The following ASTN2 variants were observed in gnomAD, a reference collection of about 807,000 sequenced individuals.
ASTN2 encodes the protein astrotactin-2.
In ASTN2, 54 loss-of-function variants were observed where a neutral mutation model predicts 139.8. The ratio of observed to expected loss-of-function variants is 0.39; its 90% CI spans 0.31 to 0.48. The LOEUF is 0.48. ASTN2 is among the 20% of genes least tolerant of loss of function. The probability of loss-of-function intolerance (pLI) is 0.95; values close to 1 mark genes in which losing one functional copy is unlikely to be tolerated. For missense variants in ASTN2, 1,565 were observed against 1,725.1 expected (o/e 0.91, Z 1.64); for synonymous variants, 756 against 719.5 (o/e 1.05, Z -0.81).
intron 19 of ASTN2, among the ~76,000 whole-genome samples, chr9:116,495,705 A>G (rs1258809208): frequency 6.6e-6 from 1 of 152,180 alleles, no homozygotes; most frequent in Non-Finnish European, 1.5e-5. Context: ...AAGTAGTCCA[A>G]AGTCATACTC....
intron 19 of ASTN2, chr9:116,568,339 T>C (rs1027393878): frequency 3.3e-5 from 5 of 152,202 alleles, no homozygotes; most frequent in Non-Finnish European, 5.9e-5. Flanking sequence ...GAGTTTTGGA[T>C]ATTTTTTTAA....
intron 7 of ASTN2, 77 bp from the exon 8 acceptor site, chr9:116,976,862 C>T: frequency 7.3e-7 from 1 of 1,366,892 alleles, no homozygotes; most frequent in Non-Finnish European, 1.0e-6. Context: ...GCTTGTTTTC[C>T]TAAGACATAA....
At chr9:116,593,656 C>T (rs1243190006) in intron 19 of ASTN2, among the ~76,000 whole-genome samples, 2 of 152,198 alleles carry the variant, frequency 1.3e-5, no homozygotes, top group Non-Finnish European at 2.9e-5. Context: ...CAACTTTCAT[C>T]ACTCTCAAGT....
rs1421676117 is a variant in ASTN2 at position 117,013,809 on chromosome 9, A to G, written c.1424-5550T>C. Among the ~76,000 whole-genome samples the G allele has an allele frequency of 1.2e-4, 18 of 152,276 alleles. No homozygotes were observed. The East Asian group carries it at 3.5e-3, about 29-fold the overall frequency. Reference sequence around the variant, plus strand: ...AACTAAAAATACCACGGAAGGAGGTATCACCAGACAAAATTGCCTGGAGAG... The same window carrying G: ...AACTAAAAATACCACGGAAGGAGGTGTCACCAGACAAAATTGCCTGGAGAG... On this transcript the variant is annotated intron_variant, in intron 6 of 22. Transcript: ENST00000313400.
At position 117,414,774 on chromosome 9, in the gene ASTN2, GGCAGCGGCGGTGGCGCCGGCCA is replaced by G. The variant is rs1242458310; in HGVS notation, c.143_164del (p.Leu48ProfsTer11). The G allele has an allele frequency of 7.9e-6, 10 of 1,262,844 alleles. No individual in the cohort carries two copies. The highest frequency in any genetic ancestry group is 4.6e-5 in the South Asian group (2 of 43,766). The allele number at this position is 1,262,844 out of a possible 1,614,324, so 78.2% of individuals were successfully genotyped here. A position where few individuals can be genotyped will look rare whatever the true frequency, so the allele number is the denominator to read the frequency against. On this transcript the variant is annotated frameshift_variant, in exon 1 of 23. Coordinates refer to ENST00000313400, the MANE Select transcript of ASTN2 (RefSeq NM_001365068.1). LOFTEE classifies it high-confidence loss of function. The surrounding 1 kb of genome is among the most constrained non-coding windows in gnomAD (Gnocchi z 4.2). The stretch of plus-strand genomic sequence containing the variant: ...GGCACGGGCTGTCGGGCTCCCGCGA[GGCAGCGGCGGTGGCGCCGGCCA>G]GCAGCGGCGGCGGCGGCAGCAGGAG...
chr9:116,614,241 G>A (rs535022883), intron 19 of ASTN2, among the ~76,000 whole-genome samples: 4 of 152,102 alleles, frequency 2.6e-5, no homozygotes, highest in Non-Finnish European at 5.9e-5. Context: ...ACAAATGGAA[G>A]AACATTCCAT....
chr9:117,093,528 C>T (rs1828758679), intron 5 of ASTN2, among the ~76,000 whole-genome samples: 1 of 152,148 alleles, frequency 6.6e-6, no homozygotes. Flanking sequence ...TCTTATATCA[C>T]CAAGGGCTCC....
chr9:116,471,190 T>C (rs1032493965), intron 20 of ASTN2, among the ~76,000 whole-genome samples: 1 of 152,142 alleles, frequency 6.6e-6, no homozygotes, highest in African/African-American at 2.4e-5. Flanking sequence ...ATCTATGTAA[T>C]GGTGTTAAGT....
chr9:117,144,471 T>C (rs1015724022), intron 3 of ASTN2, among the ~76,000 whole-genome samples: 6 of 152,040 alleles, frequency 3.9e-5, no homozygotes, highest in African/African-American at 1.2e-4. Context: ...CCAATGCAAA[T>C]TCATAAACTT....
chr9:117,303,361 G>C (rs1834922220), intron 1 of ASTN2, among the ~76,000 whole-genome samples: 1 of 152,180 alleles, frequency 6.6e-6, no homozygotes, highest in Non-Finnish European at 1.5e-5. Flanking sequence ...CTGAGGTAGA[G>C]TGTGCAGGAA....
intron 13 of ASTN2, among the ~76,000 whole-genome samples, chr9:116,767,890 A>G (rs966776225): frequency 6.6e-6 from 1 of 152,192 alleles, no homozygotes; most frequent in Non-Finnish European, 1.5e-5. Context: ...TGGCATATCT[A>G]TGGTAAAAAA....
intron 5 of ASTN2, among the ~76,000 whole-genome samples, chr9:117,053,729 AC>A (rs1266836994): frequency 2.6e-5 from 4 of 152,098 alleles, no homozygotes; most frequent in South Asian, 2.1e-4. Flanking sequence ...CAGCACCCAA[AC>A]CCTCATTCTG....
intron 10 of ASTN2, among the ~76,000 whole-genome samples, chr9:116,941,606 A>C (rs959776937): frequency 6.6e-6 from 1 of 152,030 alleles, no homozygotes; most frequent in African/African-American, 2.4e-5. Context: ...AAAAAAAAAA[A>C]AAACAACTTC....
At chr9:116,962,282 T>C (rs1835896298) in intron 10 of ASTN2, among the ~76,000 whole-genome samples, 1 of 152,242 alleles carries the variant, frequency 6.6e-6, no homozygotes, top group Non-Finnish European at 1.5e-5. Flanking sequence ...CCCTATGTCT[T>C]CTGCAGAGTC....
intron 1 of ASTN2, among the ~76,000 whole-genome samples, chr9:117,312,518 A>G (rs1354966175): frequency 6.6e-6 from 1 of 152,188 alleles, no homozygotes; most frequent in East Asian, 1.9e-4. Flanking sequence ...TAGTTTTCCA[A>G]TCATCATTAT....
intron 19 of ASTN2, among the ~76,000 whole-genome samples, chr9:116,545,330 G>A (rs1852047689): frequency 6.6e-6 from 1 of 152,206 alleles, no homozygotes; most frequent in Non-Finnish European, 1.5e-5. Context: ...ATGAACTGTG[G>A]ATTGGAGTCT....
At chr9:116,970,025 T>C (rs577852024) in intron 10 of ASTN2, among the ~76,000 whole-genome samples, 4 of 152,314 alleles carry the variant, frequency 2.6e-5, no homozygotes, top group Admixed American at 2.0e-4. Context: ...TGGCGGCAGC[T>C]GGCATTCTGT....
chr9:116,804,495 C>G (rs1270473412), intron 13 of ASTN2, among the ~76,000 whole-genome samples: 1 of 152,166 alleles, frequency 6.6e-6, no homozygotes, highest in Non-Finnish European at 1.5e-5. Flanking sequence ...TCCTGCCTCA[C>G]AGGATCATTG....
intron 4 of ASTN2, among the ~76,000 whole-genome samples, chr9:117,122,084 C>T (rs967833524): frequency 2.0e-5 from 3 of 152,160 alleles, no homozygotes; most frequent in Non-Finnish European, 4.4e-5. Flanking sequence ...GTGTGGATTG[C>T]AAGTTCCAAT....
Sources: allele counts gnomAD v4.1 joint callset (sites outside exome capture counted in the v4.1 genomes callset), GRCh38; gene constraint gnomAD v4.1.1; non-coding constraint Gnocchi (gnomAD v3.1); transcripts MANE v1.5; gene names NCBI Gene and HGNC (gene_info 2026-07-23, HGNC 2026-07-21).